The following ITGB5 variants were observed in gnomAD, a reference collection of about 807,000 sequenced individuals.
ITGB5 encodes the protein integrin beta-5.
ITGB5 carries 38 observed loss-of-function variants against 84.8 expected under a neutral mutation model. The observed-to-expected ratio is 0.45, with a 90% CI of 0.35 to 0.59. The LOEUF (loss-of-function observed/expected upper bound fraction) is 0.59, where lower values mean the gene tolerates loss of function less well. ITGB5 is among the 20% of genes least tolerant of loss of function. ITGB5 has a pLI of 0.01. For missense variants in ITGB5, 905 were observed against 1,034.5 expected (o/e 0.87, Z 1.72); for synonymous variants, 393 against 414.4 (o/e 0.95, Z 0.63).
intron 2 of ITGB5, among the ~76,000 whole-genome samples, chr3:124,865,856 T>C (rs866068983): frequency 3.9e-5 from 6 of 152,260 alleles, no homozygotes; most frequent in Middle Eastern, 3.4e-3. Flanking sequence ...AAATTTAGAT[T>C]GTTTTTAGTT....
chr3:124,765,678 C>T (rs2063756007), intron 13 of ITGB5, among the ~76,000 whole-genome samples: 1 of 151,718 alleles, frequency 6.6e-6, no homozygotes, highest in Non-Finnish European at 1.5e-5. Context: ...AGCGCTTGCC[C>T]CAAGAATGGG....
intron 5 of ITGB5, among the ~76,000 whole-genome samples, chr3:124,840,996 G>T (rs1045202650): frequency 6.6e-6 from 1 of 152,208 alleles, no homozygotes; most frequent in African/African-American, 2.4e-5. Flanking sequence ...GGTTTCCCAA[G>T]AGAGCAATCT....
intron 12 of ITGB5, 143 bp from the exon 13 acceptor site, chr3:124,766,488 T>C (rs2150922445): frequency 2.1e-6 from 2 of 969,592 alleles, no homozygotes; most frequent in East Asian, 2.5e-5. Flanking sequence ...GGCTGGGCCT[T>C]TGAAGATGAG....
intron 2 of ITGB5, among the ~76,000 whole-genome samples, chr3:124,860,658 C>T (rs2065284353): frequency 6.6e-6 from 1 of 152,202 alleles, no homozygotes; most frequent in South Asian, 2.1e-4. Flanking sequence ...AAACAAGATT[C>T]CCCCCACTCT....
chr3:124,858,342 T>C (rs1378352775), intron 3 of ITGB5, among the ~76,000 whole-genome samples: 1 of 152,150 alleles, frequency 6.6e-6, no homozygotes, highest in Non-Finnish European at 1.5e-5. Flanking sequence ...TGCTACAGAC[T>C]CAAATGGAAT....
chr3:124,785,185 C>A (rs1289328893), intron 10 of ITGB5, among the ~76,000 whole-genome samples: 1 of 152,198 alleles, frequency 6.6e-6, no homozygotes, highest in African/African-American at 2.4e-5. Flanking sequence ...TAGCCTCCCA[C>A]AAGGGCAGGG....
chr3:124,880,618 T>A (rs183921253), intron 1 of ITGB5, among the ~76,000 whole-genome samples: 2,249 of 151,970 alleles, frequency 0.015, 60 homozygotes, highest in African/African-American at 0.043. Context: ...TGTCTTTTTT[T>A]AAAAAATAAA....
intron 9 of ITGB5, among the ~76,000 whole-genome samples, chr3:124,801,352 G>A (rs1053716658): frequency 5.3e-5 from 8 of 152,164 alleles, no homozygotes; most frequent in Admixed American, 2.6e-4. Context: ...ACTGGATTTG[G>A]GGCTTTCAAG....
chr3:124,831,097 T>C (rs1184674222), intron 5 of ITGB5, among the ~76,000 whole-genome samples: 1 of 152,214 alleles, frequency 6.6e-6, no homozygotes, highest in Non-Finnish European at 1.5e-5. Flanking sequence ...CAAAAGGGTC[T>C]ATTCCCTCTT....
upstream of ITGB5, among the ~76,000 whole-genome samples, chr3:124,890,805 G>C (rs1313195324): frequency 6.6e-6 from 1 of 152,052 alleles, no homozygotes; most frequent in Admixed American, 6.5e-5. Context: ...CTTAAAACTG[G>C]TTTAGAGATG....
chr3:124,781,153 A>G (rs2063999665), intron 10 of ITGB5: 1 of 152,180 alleles, frequency 6.6e-6, no homozygotes, highest in South Asian at 2.1e-4. Flanking sequence ...TGGCGCTCAC[A>G]TGCTGGGCCA....
At position 124,773,904 on chromosome 3, in the gene ITGB5, C is replaced by T. The variant is rs1345576169; in HGVS notation, c.1702G>A (p.Glu568Lys). The change falls in exon 11 of 15, where the codon GAG (glutamate) becomes AAG (lysine). Residue 568 changes from glutamate to lysine, a missense_variant. Glu to Lys is a moderately conservative substitution (Grantham distance 56, BLOSUM62 1). This residue lies in a region of ITGB5 where 656 missense variants were observed against 734.7 expected (regional missense o/e 0.89). Coordinates refer to ENST00000296181, the MANE Select transcript of ITGB5 (RefSeq NM_002213.5). The stretch of plus-strand genomic sequence containing the variant: ...CACTTGCATTCCCCGCAGTGACACT[C>T]GCCATGGCCTAAAAGGATACATGTG... ...NKGVLCSGHG[E>K]CHCGECKCHA... 4.3e-6 allele frequency: 7 copies of T among 1,614,124 alleles called. No homozygotes were observed. The South Asian group carries it at 4.4e-5, about 10-fold the overall frequency.
At chr3:124,788,999 G>A (rs1365624655) in intron 10 of ITGB5, among the ~76,000 whole-genome samples, 1 of 152,162 alleles carries the variant, frequency 6.6e-6, no homozygotes, top group Non-Finnish European at 1.5e-5. Flanking sequence ...TTCAAGACCA[G>A]CCTGGGAAAC....
intron 11 of ITGB5, 148 bp downstream of exon 11, chr3:124,773,542 G>A (rs2063878623): frequency 1.5e-6 from 1 of 655,488 alleles, no homozygotes; most frequent in African/African-American, 1.8e-5. Flanking sequence ...AGTTACGGTT[G>A]GTAAGAATGC....
intron 1 of ITGB5, among the ~76,000 whole-genome samples, chr3:124,882,341 G>T (rs1934609186): frequency 6.6e-6 from 1 of 152,206 alleles, no homozygotes; most frequent in Non-Finnish European, 1.5e-5. Context: ...AAGAAAAGCA[G>T]ATAAAAAGAA....
At chr3:124,799,855 C>G (rs2064289883) in intron 9 of ITGB5, among the ~76,000 whole-genome samples, 1 of 152,156 alleles carries the variant, frequency 6.6e-6, no homozygotes, top group Non-Finnish European at 1.5e-5. Flanking sequence ...GAGAGCCAGC[C>G]TGGCTTACTA....
intron 8 of ITGB5, among the ~76,000 whole-genome samples, chr3:124,814,347 C>T (rs1038326183): frequency 3.9e-5 from 6 of 152,014 alleles, no homozygotes; most frequent in Non-Finnish European, 7.4e-5. Context: ...TGAACATGTT[C>T]AGTATCTCTA....
At chr3:124,867,169 T>C (rs2065403842) in intron 2 of ITGB5, among the ~76,000 whole-genome samples, 1 of 152,002 alleles carries the variant, frequency 6.6e-6, no homozygotes, top group Admixed American at 6.6e-5. Context: ...TTCACTAGTC[T>C]TCTCCCATGC....
intron 1 of ITGB5, among the ~76,000 whole-genome samples, chr3:124,886,627 G>T (rs994621769): frequency 6.6e-6 from 1 of 152,010 alleles, no homozygotes; most frequent in African/African-American, 2.4e-5. Flanking sequence ...GGCTGGCGGC[G>T]GTCCTCCCCG....
Sources: gnomAD v4.1 joint callset for allele counts (sites outside exome capture counted in the v4.1 genomes callset) on GRCh38, gnomAD v4.1.1 for gene constraint, gnomAD v4.1.1 regional missense constraint, MANE v1.5 for transcripts, NCBI Gene and HGNC (gene_info 2026-07-23, HGNC 2026-07-21) for gene names.